ZNF366: variants seen among roughly 807,000 people sequenced by gnomAD.
ZNF366 encodes zinc finger protein 366.
Under a neutral mutation model 47.2 loss-of-function variants are expected in ZNF366, and 20 were observed. The ratio of observed to expected loss-of-function variants is 0.42; its 90% CI spans 0.30 to 0.62. The LOEUF is 0.62. Ranked by LOEUF, ZNF366 falls within the 20% of genes least tolerant of loss-of-function variation. The pLI is 0.16. For missense variants in ZNF366, 987 were observed against 976.3 expected (o/e 1.01, Z -0.15); for synonymous variants, 421 against 395.1 (o/e 1.07, Z -0.78).
intron 1 of ZNF366, among the ~76,000 whole-genome samples, chr5:72,467,671 A>C (rs1293258900): frequency 6.6e-6 from 1 of 152,226 alleles, no homozygotes; most frequent in Non-Finnish European, 1.5e-5. Context: ...GTTGGTCCTG[A>C]AATTCACAAA....
At position 72,441,680 on chromosome 5, in the gene ZNF366, G is replaced by A. The variant is rs762692438; in HGVS notation, c.*2076C>T. On this transcript the variant is annotated 3_prime_UTR_variant, in exon 5 of 5. Coordinates refer to ENST00000318442, the MANE Select transcript of ZNF366 (RefSeq NM_152625.3). Reference sequence around the variant, plus strand: ...GTGATGACAACCAGGTGGGGCTAATGGGGCAGCACCTTGGCCTACAGAAAA... The same window carrying A: ...GTGATGACAACCAGGTGGGGCTAATAGGGCAGCACCTTGGCCTACAGAAAA... 2 of 152,240 alleles carry A rather than the reference G, an allele frequency of 1.3e-5. No homozygotes were observed. Among genetic ancestry groups the A allele is most frequent in the Admixed American group, 6.5e-5 (1 of 15,280 alleles). 9.4% of individuals were successfully genotyped at this position (152,240 alleles called of 1,614,324 possible).
intron 4 of ZNF366, among the ~76,000 whole-genome samples, chr5:72,445,362 G>A (rs374820229): frequency 0.012 from 513 of 43,248 alleles, 1 homozygote; most frequent in Non-Finnish European, 0.023. Context: ...AGGCTTCTGG[G>A]AGGGGGTGAA....
chr5:72,499,479 C>CTTTTTTTTT (rs894702691), intron 1 of ZNF366, among the ~76,000 whole-genome samples: 2 of 112,186 alleles, frequency 1.8e-5, no homozygotes, highest in African/African-American at 7.1e-5. Flanking sequence ...GGAATCCTGC[C>CTTTTTTTTT]TTTTTTTTTT....
intron 1 of ZNF366, among the ~76,000 whole-genome samples, chr5:72,485,219 G>A (rs1743870391): frequency 6.6e-6 from 1 of 152,276 alleles, no homozygotes; most frequent in Non-Finnish European, 1.5e-5. Flanking sequence ...CATTTTACAT[G>A]GATTTGTGTG....
chr5:72,461,845 C>A (rs1303357552), intron 1 of ZNF366, among the ~76,000 whole-genome samples: 1 of 152,148 alleles, frequency 6.6e-6, no homozygotes, highest in Non-Finnish European at 1.5e-5. Flanking sequence ...TGGCCATTGT[C>A]CCCATTTAAG....
chr5:72,486,090 T>A (rs1743886599), intron 1 of ZNF366, among the ~76,000 whole-genome samples: 1 of 152,238 alleles, frequency 6.6e-6, no homozygotes. Flanking sequence ...CTTACTTTAG[T>A]CATTGTTCAT....
intron 3 of ZNF366, among the ~76,000 whole-genome samples, chr5:72,455,450 G>A (rs188680322): frequency 6.6e-6 from 1 of 152,314 alleles, no homozygotes; most frequent in Admixed American, 6.5e-5. Flanking sequence ...CAGAAGGGCT[G>A]TAACGATATC....
chr5:72,475,085 C>T (rs1305538972), intron 1 of ZNF366, among the ~76,000 whole-genome samples: 1 of 152,164 alleles, frequency 6.6e-6, no homozygotes, highest in Non-Finnish European at 1.5e-5. Flanking sequence ...TGAGGAGGCT[C>T]AATGTTGCTT....
Position 72,460,913 on chromosome 5 carries a change from G to C in ZNF366, c.584C>G (p.Pro195Arg), listed in dbSNP as rs376647925. 3.1e-6 allele frequency: 5 copies of C among 1,612,570 alleles called. No homozygotes were observed. The highest frequency in any genetic ancestry group is 4.2e-6 in the Non-Finnish European group (5 of 1,178,914). ...MFPFFVPSSS[P>R]FPFSRHTFLP... The stretch of plus-strand genomic sequence containing the variant: ...GAAGGTGTGCCGGCTGAAGGGGAAG[G>C]GCGAGGACGAGGGCACGAAGAAGGG... Residue 195 changes from proline to arginine, a missense_variant, in exon 2 of 5, where the codon CCC becomes CGC. Transcript: ENST00000318442.
At chr5:72,491,687 T>G (rs1159834665) in intron 1 of ZNF366, among the ~76,000 whole-genome samples, 1 of 152,212 alleles carries the variant, frequency 6.6e-6, no homozygotes, top group African/African-American at 2.4e-5. Flanking sequence ...ATACTAGTAT[T>G]TGGTTTTCCT....
At chr5:72,472,061 C>CA (rs769515250) in intron 1 of ZNF366, among the ~76,000 whole-genome samples, 7 of 152,198 alleles carry the variant, frequency 4.6e-5, no homozygotes, top group Non-Finnish European at 7.3e-5. Context: ...AGTAAAAACT[C>CA]AGACTGTGAG....
intron 1 of ZNF366, among the ~76,000 whole-genome samples, chr5:72,504,753 A>G (rs1383903362): frequency 2.0e-5 from 3 of 151,934 alleles, no homozygotes; most frequent in Admixed American, 2.0e-4. Context: ...TTAATATATG[A>G]CCCTTAAAAA....
chr5:72,476,195 A>T (rs1195721200), intron 1 of ZNF366, among the ~76,000 whole-genome samples: 2 of 152,148 alleles, frequency 1.3e-5, no homozygotes, highest in Admixed American at 1.3e-4. Context: ...AATGGCTGGT[A>T]CATGGTAGGT....
chr5:72,482,009 G>A (rs1459298288), intron 1 of ZNF366, among the ~76,000 whole-genome samples: 3 of 152,098 alleles, frequency 2.0e-5, no homozygotes, highest in Non-Finnish European at 4.4e-5. Flanking sequence ...CAGGAATCTC[G>A]GTTCATATAT....
chr5:72,456,839 T>C (rs902412623), intron 2 of ZNF366, among the ~76,000 whole-genome samples: 14 of 152,168 alleles, frequency 9.2e-5, no homozygotes, highest in African/African-American at 3.4e-4. Flanking sequence ...AAAAGAAAGC[T>C]CTTGCTTTTG....
In ZNF366 at chr5:72,460,608, G is replaced by T. The variant is rs1452058276; in HGVS notation, c.889C>A (p.His297Asn). 1.2e-6 allele frequency: 2 copies of T among 1,614,154 alleles called. No individual in the cohort carries two copies. Among genetic ancestry groups the T allele is most frequent in the South Asian group, 2.2e-5 (2 of 91,092 alleles). Residue 297 changes from histidine to asparagine, a missense_variant, in exon 2 of 5, where the codon CAT becomes AAT. By Grantham distance (68) the His-to-Asn change is moderately conservative (BLOSUM62 1). Transcript: ENST00000318442. ...GKLFKQLSHL[H>N]THMLTHQGTR... ...CCCTGGTGGGTCAGCATGTGGGTAT[G>T]CAGGTGGCTGAGCTGCTTGAAGAGC...
At chr5:72,458,559 T>C (rs1743238481) in intron 2 of ZNF366, among the ~76,000 whole-genome samples, 1 of 152,182 alleles carries the variant, frequency 6.6e-6, no homozygotes, top group Non-Finnish European at 1.5e-5. Flanking sequence ...AGTCGGAGCC[T>C]GTCAGGTGGT....
intron 1 of ZNF366, among the ~76,000 whole-genome samples, chr5:72,505,111 C>T (rs570124323): frequency 4.6e-5 from 7 of 152,238 alleles, no homozygotes; most frequent in East Asian, 3.9e-4. Flanking sequence ...CAGAAATTAA[C>T]GAATAAAATA....
chr5:72,458,262 C>A (rs1008435811), intron 2 of ZNF366, among the ~76,000 whole-genome samples: 3 of 152,002 alleles, frequency 2.0e-5, no homozygotes, highest in Non-Finnish European at 4.4e-5. Flanking sequence ...GTGATCCGCC[C>A]GTCTCGGCCT....
Sources: gnomAD v4.1 joint callset for allele counts (sites outside exome capture counted in the v4.1 genomes callset) on GRCh38, gnomAD v4.1.1 for gene constraint, MANE v1.5 for transcripts, NCBI Gene and HGNC (gene_info 2026-07-23, HGNC 2026-07-21) for gene names.